Variants in DLG5 observed in about 807,000 individuals in gnomAD.
DLG5 encodes the protein discs large MAGUK scaffold protein 5.
In DLG5, 48 loss-of-function variants were observed where a neutral mutation model predicts 189.8. The ratio of observed to expected loss-of-function variants is 0.25; its 90% CI spans 0.20 to 0.32. DLG5 has a LOEUF of 0.32. DLG5 is among the 10% of genes least tolerant of loss of function. DLG5 has a pLI of 1.00. For missense variants in DLG5, 2,160 were observed against 2,544.7 expected (o/e 0.85, Z 3.25); for synonymous variants, 1,016 against 1,054.1 (o/e 0.96, Z 0.70).
chr10:77,869,817 G>A (rs1449213017), intron 1 of DLG5, among the ~76,000 whole-genome samples: 1 of 152,106 alleles, frequency 6.6e-6, no homozygotes, highest in Admixed American at 6.5e-5. Context: ...CTGTGGTTTG[G>A]TTTGAATTCA....
rs141306024 is a variant in DLG5 at position 77,821,797 on chromosome 10, C to T, written c.2687G>A (p.Arg896His). The change falls in exon 15 of 32, where the codon CGC becomes CAC. Residue 896 changes from arginine (R) to histidine (H), a missense_variant. Coordinates refer to ENST00000372391, the MANE Select transcript of DLG5 (RefSeq NM_004747.4). ...SASERSLSSF[R>H]SDASGDRGFG... ...GCCACGGTCCCCAGAGGCATCTGAGCGGAAGGAGCTCAGGCTACGCTCAGA... is the reference window on the plus strand; with the variant it reads ...GCCACGGTCCCCAGAGGCATCTGAGTGGAAGGAGCTCAGGCTACGCTCAGA... 2.5e-5 allele frequency: 40 copies of T among 1,611,690 alleles called. No individual in the cohort carries two copies. The highest frequency in any genetic ancestry group is 5.5e-5 in the South Asian group (5 of 90,886).
rs529559460 is a variant in DLG5, at chr10:77,830,358, A to C, written c.1882-14T>G. On this transcript the variant is annotated splice_polypyrimidine_tract_variant and intron_variant, in intron 10 of 31. Coordinates refer to ENST00000372391, the MANE Select transcript of DLG5 (RefSeq NM_004747.4). ...GTCAATATCCTCCTGCAAAAACAGC[A>C]GCAACAGCAACGCATTTCACAAAGC... 2 of 1,614,070 alleles carry C rather than the reference A, an allele frequency of 1.2e-6. No homozygotes were observed. Among genetic ancestry groups the C allele is most frequent in the East Asian group, 4.5e-5 (2 of 44,894 alleles).
chr10:77,866,038 T>C (rs1844668514), intron 2 of DLG5, among the ~76,000 whole-genome samples: 1 of 152,224 alleles, frequency 6.6e-6, no homozygotes, highest in African/African-American at 2.4e-5. Context: ...ATCTTGCTCT[T>C]GCCTTTTCTC....
At chr10:77,845,449 C>G (rs962585406) in intron 5 of DLG5, 1 of 152,016 alleles carries the variant, frequency 6.6e-6, no homozygotes, top group Non-Finnish European at 1.5e-5. Flanking sequence ...TCAATAAACA[C>G]GAAAAACACA....
At position 77,833,980 on chromosome 10, in the gene DLG5, G is replaced by A; in HGVS notation, c.1682C>T (p.Ala561Val). Residue 561 changes from alanine (A) to valine (V), a missense_variant, in exon 9 of 32, where the codon GCC (alanine) becomes GTC (valine). This residue lies in a region of DLG5 where 664 missense variants were observed against 838.5 expected (regional missense o/e 0.79). Coordinates refer to ENST00000372391, the MANE Select transcript of DLG5 (RefSeq NM_004747.4). Reference sequence around the variant, plus strand: ...GCGGGTGTCATCCAGGCTGCGCAGGGCCTCAGCCAGCTCGCTCACCGCACG... The same window carrying A: ...GCGGGTGTCATCCAGGCTGCGCAGGACCTCAGCCAGCTCGCTCACCGCACG... Reference protein sequence around the residue: ...RDRAVSELAEALRSLDDTRKQ... With the variant: ...RDRAVSELAEVLRSLDDTRKQ... The A allele has an allele frequency of 6.2e-7, 1 of 1,608,094 alleles. No individual in the cohort carries two copies.
rs145232414 is a variant in DLG5, at chr10:77,794,049, G to A, written c.5615C>T (p.Ala1872Val). The A allele has an allele frequency of 2.0e-5, 32 of 1,614,012 alleles. No individual in the cohort carries two copies. The highest frequency in any genetic ancestry group is 2.5e-5 in the Non-Finnish European group (30 of 1,180,032). ...TQRHSKEQFE[A>V]AQKLEQEYSR... ...GTACTCCTGCTCAAGCTTCTGCGCCGCCTCAAACTGCTCTTTGGAATGCCT... is the reference window on the plus strand; with the variant it reads ...GTACTCCTGCTCAAGCTTCTGCGCCACCTCAAACTGCTCTTTGGAATGCCT... The change falls in exon 31 of 32, where the codon GCG becomes GTG. Residue 1872 changes from alanine to valine, a missense_variant. By Grantham distance (64) the Ala-to-Val change is moderately conservative (BLOSUM62 0). Coordinates refer to ENST00000372391, the MANE Select transcript of DLG5 (RefSeq NM_004747.4).
intron 1 of DLG5, among the ~76,000 whole-genome samples, chr10:77,875,334 C>T (rs1031584716): frequency 7.9e-5 from 12 of 152,120 alleles, no homozygotes; most frequent in Non-Finnish European, 1.5e-4. Context: ...AGACAACAGG[C>T]GGAACCCATT....
chr10:77,867,227 T>C, intron 2 of DLG5: 2 of 393,332 alleles, frequency 5.1e-6, no homozygotes, highest in South Asian at 3.8e-5. Context: ...TCAGCAGTAA[T>C]TGCTATGGGT....
At position 77,873,428 on chromosome 10, in the gene DLG5, A is replaced by C. The variant is rs137883854; in HGVS notation, c.305-4231T>G. 6.9e-3 allele frequency among the ~76,000 whole-genome samples: 1,053 copies of C among 152,066 alleles called. 12 individuals are homozygous for C. Among genetic ancestry groups the C allele is most frequent in the African/African-American group, 0.023 (963 of 41,494 alleles). ...CCACTGGGAGGAAGCCAGCCTGGTGACCCTCTGGGACTGGCCCACGGGCAC... is the reference window on the plus strand; with the variant it reads ...CCACTGGGAGGAAGCCAGCCTGGTGCCCCTCTGGGACTGGCCCACGGGCAC... On this transcript the variant is annotated intron_variant, in intron 1 of 31. Coordinates refer to ENST00000372391, the MANE Select transcript of DLG5 (RefSeq NM_004747.4).
chr10:77,815,272 A>T (rs571588670), intron 20 of DLG5, among the ~76,000 whole-genome samples: 8 of 152,186 alleles, frequency 5.3e-5, no homozygotes, highest in South Asian at 4.2e-4. Flanking sequence ...CGATTCCCCT[A>T]CTGGGGCCAG....
intron 1 of DLG5, among the ~76,000 whole-genome samples, chr10:77,905,753 G>A (rs549629778): frequency 1.6e-4 from 24 of 152,284 alleles, no homozygotes; most frequent in African/African-American, 5.3e-4. Context: ...GGAAAGAGAT[G>A]TATTTATTTC....
rs374398523 is a variant in DLG5 at position 77,819,902 on chromosome 10, C to T, written c.3519G>A (p.Pro1173=). The change falls in exon 16 of 32, where the codon CCG becomes CCA. Residue 1173 remains proline, a synonymous_variant. Coordinates refer to ENST00000372391, the MANE Select transcript of DLG5 (RefSeq NM_004747.4). ...CCTGGCTGGCTGACTCACCCACAGA[C>T]GGCCTGCTAGGGTATAGCGGGGGGT... The part of the protein sequence containing the change: ...HSNPPLYPSR[P]SVGTVPRSLT... 2.1e-5 allele frequency: 33 copies of T among 1,568,120 alleles called. No homozygotes were observed. The highest frequency in any genetic ancestry group is 1.1e-4 in the African/African-American group (8 of 73,738).
At chr10:77,803,931 C>T (rs1358215752) in intron 27 of DLG5, among the ~76,000 whole-genome samples, 3 of 145,914 alleles carry the variant, frequency 2.1e-5, no homozygotes, top group Admixed American at 6.9e-5. Context: ...ACTCTGTTGC[C>T]TGGGCTAGAG....
intron 5 of DLG5, among the ~76,000 whole-genome samples, chr10:77,851,963 G>A (rs1156458185): frequency 6.6e-6 from 1 of 152,218 alleles, no homozygotes; most frequent in African/African-American, 2.4e-5. Context: ...ACAGAGAGAA[G>A]GCATGGGGTG....
At chr10:77,866,436 C>G (rs770153201) in intron 2 of DLG5, among the ~76,000 whole-genome samples, 23 of 152,154 alleles carry the variant, frequency 1.5e-4, no homozygotes, top group Non-Finnish European at 2.6e-4. Flanking sequence ...AACAAGCAGC[C>G]AACTGTGGTC....
At chr10:77,887,445 C>G (rs780004016) in intron 1 of DLG5, among the ~76,000 whole-genome samples, 46 of 152,266 alleles carry the variant, frequency 3.0e-4, no homozygotes, top group Non-Finnish European at 5.6e-4. Context: ...CACTGACTTG[C>G]TATCATCTGT....
rs139519912 is a variant in DLG5 at position 77,825,837 on chromosome 10, G to C, written c.2290-1361C>G. Among the ~76,000 whole-genome samples, 1,384 of 152,228 alleles carry C rather than the reference G, an allele frequency of 9.1e-3. 23 individuals carry two copies. The highest frequency in any genetic ancestry group is 0.031 in the African/African-American group (1,282 of 41,548). On this transcript the variant is annotated intron_variant, in intron 13 of 31. Transcript: ENST00000372391. ...CTCCCAAAGTGCTAGGATTACAGGC[G>C]TGAGCCACCATGCCCGGCCAGTCAA... is the stretch of plus-strand genomic sequence containing the variant.
intron 7 of DLG5, among the ~76,000 whole-genome samples, chr10:77,839,910 C>T (rs568333128): frequency 4.0e-4 from 61 of 152,258 alleles, no homozygotes; most frequent in Admixed American, 1.8e-3. Flanking sequence ...CCCATTTTTA[C>T]CCACAGAAAC....
In DLG5 at chr10:77,821,838, C is replaced by A. The variant is rs41274588; in HGVS notation, c.2646G>T (p.Gln882His). The change falls in exon 15 of 32, where the codon CAG (glutamine) becomes CAT (histidine). Residue 882 changes from glutamine (Q) to histidine (H), a missense_variant. Coordinates refer to ENST00000372391, the MANE Select transcript of DLG5 (RefSeq NM_004747.4). ...FPGGPLQVCPQACPSASERSL... is the reference protein window; with the variant it reads ...FPGGPLQVCPHACPSASERSL... ...TACGCTCAGAGGCACTGGGACAGGC[C>A]TGGGGGCAGACCTGCAAGGGTCCCC... The A allele has an allele frequency of 6.2e-7, 1 of 1,613,740 alleles. No individual in the cohort carries two copies. Among genetic ancestry groups the A allele is most frequent in the African/African-American group, 1.3e-5 (1 of 74,932 alleles).
Sources: allele counts gnomAD v4.1 joint callset (sites outside exome capture counted in the v4.1 genomes callset), GRCh38; gene constraint gnomAD v4.1.1; regional missense constraint gnomAD v4.1.1; transcripts MANE v1.5; gene names NCBI Gene and HGNC (gene_info 2026-07-23, HGNC 2026-07-21).